Variants in KLHL8 observed in about 807,000 individuals in gnomAD.
KLHL8 encodes kelch-like protein 8.
Under a neutral mutation model 63.5 loss-of-function variants are expected in KLHL8, and 38 were observed. That is an observed-to-expected ratio of 0.60 (90% CI 0.46 to 0.78). The LOEUF is 0.78. Among genes scored for constraint, KLHL8 ranks in the 30% least tolerant of loss-of-function variants. KLHL8 has a pLI of 0.00. For synonymous variants in KLHL8, 224 were observed against 254.3 expected (o/e 0.88, Z 1.13); for missense variants, 566 against 752.4 (o/e 0.75, Z 2.90).
rs75726895 is a variant in KLHL8, at chr4:87,194,019, C to T, written c.216+1305G>A. On this transcript the variant is annotated intron_variant, in intron 2 of 9. Coordinates refer to ENST00000273963, the MANE Select transcript of KLHL8 (RefSeq NM_020803.5). ...TAAGTGTTAACTATAGGATCACTTT[C>T]GCCATTATTATTTTTCTCTTCTATT... 3.8e-3 allele frequency among the ~76,000 whole-genome samples: 586 copies of T among 152,244 alleles called. 12 individuals carry two copies. In the East Asian group the frequency reaches 0.071, roughly 18 times the overall value.
intron 6 of KLHL8, among the ~76,000 whole-genome samples, chr4:87,172,663 G>C (rs114366726): frequency 0.011 from 1,733 of 152,250 alleles, 39 homozygotes; most frequent in African/African-American, 0.039. Context: ...ATCATAAAGT[G>C]TTTTTGACCA....
At chr4:87,238,133 A>C (rs1733266357) in intron 1 of KLHL8, among the ~76,000 whole-genome samples, 1 of 151,942 alleles carries the variant, frequency 6.6e-6, no homozygotes, top group Admixed American at 6.6e-5. Flanking sequence ...ACAGGGTTTC[A>C]CCATGTTGGC....
At chr4:87,227,475 A>G (rs1045899202) in intron 1 of KLHL8, among the ~76,000 whole-genome samples, 1 of 152,136 alleles carries the variant, frequency 6.6e-6, no homozygotes, top group Non-Finnish European at 1.5e-5. Flanking sequence ...CTGTGTCTCT[A>G]CTAAAATTAA....
intron 8 of KLHL8, chr4:87,166,897 T>A (rs904663770): frequency 6.1e-5 from 10 of 164,172 alleles, no homozygotes; most frequent in Non-Finnish European, 1.3e-4. Context: ...CCGGATGACC[T>A]GGGGACCAGC....
chr4:87,220,785 G>A (rs1732814960), upstream of KLHL8: 1 of 152,234 alleles, frequency 6.6e-6, no homozygotes, highest in South Asian at 2.1e-4. Context: ...GGCGGACCAG[G>A]GCGTGGCGGA....
Position 87,170,181 on chromosome 4 carries a change from T to G in KLHL8, c.1435A>C (p.Arg479=), listed in dbSNP as rs750703647. 3.1e-6 allele frequency: 5 copies of G among 1,613,748 alleles called. No homozygotes were observed. In the South Asian group the frequency reaches 5.5e-5, roughly 18 times the overall value. The part of the protein sequence containing the change: ...DGMASLSSVE[R]YDPHLDKWIE... ...CACTTATCCAGATGTGGATCATATC[T>G]CTCCACGCTAGATAAAGAAGCCATT... Residue 479 remains arginine, a synonymous_variant, in exon 8 of 10, where the codon AGA becomes CGA. Transcript: ENST00000273963.
chr4:87,185,686 A>G lies in KLHL8; in HGVS notation c.330T>C (p.Ile110=). ...CTATTGCATCACCATCAAAATCTCT[A>G]ATCTCAATCAGCGTTTGCTTGGCTT... ...MAEAKQTLIE[I]RDFDGDAIED... The change falls in exon 3 of 10, where the codon ATT becomes ATC. Residue 110 remains isoleucine (I), a synonymous_variant. Transcript: ENST00000273963. 1.9e-6 allele frequency: 3 copies of G among 1,614,184 alleles called. No homozygotes were observed. Among genetic ancestry groups the G allele is most frequent in the Non-Finnish European group, 2.5e-6 (3 of 1,180,020 alleles).
At chr4:87,167,725 G>A in intron 8 of KLHL8, 2 of 365,456 alleles carry the variant, frequency 5.5e-6, no homozygotes, top group South Asian at 5.1e-5. Context: ...CTGACTGGAA[G>A]GAGCTATGAT....
At chr4:87,208,992 C>T (rs1177080339) in intron 1 of KLHL8, among the ~76,000 whole-genome samples, 1 of 152,036 alleles carries the variant, frequency 6.6e-6, no homozygotes, top group Non-Finnish European at 1.5e-5. Flanking sequence ...TTAAATAATG[C>T]AATGTCCTCA....
In KLHL8 at chr4:87,162,813, CA is replaced by C. The variant is rs1198918076; in HGVS notation, c.*705del. 3.3e-5 allele frequency: 5 copies of C among 151,932 alleles called. No homozygotes were observed. The highest frequency in any genetic ancestry group is 9.7e-5 in the African/African-American group (4 of 41,400). 9.4% of individuals were successfully genotyped at this position (151,932 alleles called of 1,614,324 possible). A position where few individuals can be genotyped will look rare whatever the true frequency, so the allele number is the denominator to read the frequency against. The stretch of plus-strand genomic sequence containing the variant: ...TTGATTATGTAACAAATACTTTTTG[CA>C]AAAGATGAAAAAATAAAACTGTAAA... On this transcript the variant is annotated 3_prime_UTR_variant, in exon 10 of 10. Coordinates refer to ENST00000273963, the MANE Select transcript of KLHL8 (RefSeq NM_020803.5).
chr4:87,224,544 C>T (rs556254174), upstream of KLHL8, among the ~76,000 whole-genome samples: 10 of 152,286 alleles, frequency 6.6e-5, no homozygotes, highest in South Asian at 1.2e-3. Context: ...TCTATGGAAA[C>T]GTACTTAAAG....
chr4:87,181,670 G>C (rs532271279), intron 4 of KLHL8, among the ~76,000 whole-genome samples: 1 of 151,210 alleles, frequency 6.6e-6, no homozygotes, highest in Non-Finnish European at 1.5e-5. Flanking sequence ...TGTGACCTTC[G>C]GCATATTTTT....
intron 1 of KLHL8, 187 bp downstream of exon 1, chr4:87,220,231 G>C (rs13135598): frequency 1.3e-5 from 2 of 152,398 alleles, no homozygotes; most frequent in South Asian, 2.1e-4. Flanking sequence ...AGCCCTCTCA[G>C]CTGTGGAGTT....
rs114514818 is a variant in KLHL8 at position 87,226,287 on chromosome 4, G to C, written n.58-4897C>G. The stretch of plus-strand genomic sequence containing the variant: ...AAGATATAGCTCTATATTAGGCCAG[G>C]CGCGATGGCTCACGCCTGTAATCCC... On this transcript the variant is annotated intron_variant and non_coding_transcript_variant, in intron 1 of 1. Transcript: ENST00000506274. 3.7e-3 allele frequency among the ~76,000 whole-genome samples: 570 copies of C among 152,062 alleles called. 2 individuals carry two copies. Among genetic ancestry groups the C allele is most frequent in the African/African-American group, 0.013 (536 of 41,468 alleles).
At chr4:87,202,580 A>G (rs937751093) in intron 1 of KLHL8, among the ~76,000 whole-genome samples, 1 of 152,216 alleles carries the variant, frequency 6.6e-6, no homozygotes, top group Admixed American at 6.5e-5. Flanking sequence ...CATAAATGTG[A>G]CAACTTAGAT....
At position 87,184,484 on chromosome 4, in the gene KLHL8, TTATCACTG is replaced by T. The variant is rs1393825093; in HGVS notation, c.765+759_765+766del. Among the ~76,000 whole-genome samples, 4 of 152,328 alleles carry T rather than the reference TTATCACTG, an allele frequency of 2.6e-5. No homozygotes were observed. The East Asian group carries it at 7.7e-4, about 29-fold the overall frequency. ...ACTTTGTTATTAAAAATCACGAGAA[TTATCACTG>T]AGTGCTTTTATCAAGCACTAAGTTT... On this transcript the variant is annotated intron_variant, in intron 3 of 9. Transcript: ENST00000273963.
intron 2 of KLHL8, among the ~76,000 whole-genome samples, chr4:87,189,286 C>G (rs1731383835): frequency 6.6e-6 from 1 of 152,130 alleles, no homozygotes; most frequent in Non-Finnish European, 1.5e-5. Context: ...TTACTGTGTA[C>G]AGAGAAACTT....
intron 1 of KLHL8, among the ~76,000 whole-genome samples, chr4:87,203,238 T>C (rs1328275235): frequency 1.3e-5 from 2 of 151,744 alleles, no homozygotes; most frequent in Admixed American, 1.3e-4. Context: ...GCAAGGTCAC[T>C]AAAAACAAGG....
upstream of KLHL8, among the ~76,000 whole-genome samples, chr4:87,225,054 T>C (rs1165356250): frequency 1.3e-5 from 2 of 151,964 alleles, no homozygotes; most frequent in African/African-American, 2.4e-5. Context: ...GCCTTCGGAG[T>C]GGCTGGGATT....
Sources: allele counts gnomAD v4.1 joint callset (sites outside exome capture counted in the v4.1 genomes callset), GRCh38; gene constraint gnomAD v4.1.1; transcripts MANE v1.5; gene names NCBI Gene and HGNC (gene_info 2026-07-23, HGNC 2026-07-21).